Variants in GCNT2 observed in about 807,000 individuals in gnomAD.
GCNT2 encodes the protein N-acetyllactosaminide beta-1,6-N-acetylglucosaminyl-transferase.
A neutral mutation model predicts 34.2 loss-of-function variants in GCNT2; 34 were observed. That is an observed-to-expected ratio of 1.00 (90% confidence interval 0.76 to 1.32). The LOEUF (loss-of-function observed/expected upper bound fraction) is 1.32. Among genes scored for constraint, GCNT2 ranks in the 40% most tolerant of loss-of-function variants. GCNT2 has a pLI of 0.00. For missense variants in GCNT2, 584 were observed against 489.4 expected (o/e 1.19, Z -1.82); for synonymous variants, 212 against 188.0 (o/e 1.13, Z -1.04).
intron 1 of GCNT2, among the ~76,000 whole-genome samples, chr6:10,526,505 C>T (rs1484734032): frequency 2.6e-5 from 4 of 152,090 alleles, no homozygotes; most frequent in Non-Finnish European, 4.4e-5. Context: ...CCAAGAAGCA[C>T]TATGGAAAAT....
Position 10,604,185 on chromosome 6 carries a change from C to T in GCNT2, c.926-17166C>T, listed in dbSNP as rs576099975. 3.3e-5 allele frequency among the ~76,000 whole-genome samples: 5 copies of T among 152,242 alleles called. No individual in the cohort carries two copies. In the South Asian group the frequency reaches 1.0e-3, roughly 32 times the overall value. On this transcript the variant is annotated intron_variant, in intron 3 of 4. Coordinates refer to ENST00000495262, the MANE Select transcript of GCNT2 (RefSeq NM_145649.5). ...GTGCTGGGATTACAGACGTGAGCCA[C>T]CGCGCCCAGCCTATGCTTTCTTAAT...
At chr6:10,610,688 C>T (rs375252406) in intron 3 of GCNT2, among the ~76,000 whole-genome samples, 7 of 152,260 alleles carry the variant, frequency 4.6e-5, no homozygotes, top group South Asian at 2.1e-4. Flanking sequence ...GCTTTACCTC[C>T]ACCATCTACT....
intron 3 of GCNT2, among the ~76,000 whole-genome samples, chr6:10,595,568 CCCGG>C (rs1361138829): frequency 6.6e-6 from 1 of 151,764 alleles, no homozygotes; most frequent in Non-Finnish European, 1.5e-5. Context: ...TGCCACTCTG[CCCGG>C]CCGGTTGGTT....
At chr6:10,557,160 C>T in intron 3 of GCNT2, 1 of 1,549,600 alleles carries the variant, frequency 6.5e-7, no homozygotes, top group African/African-American at 1.4e-5. Flanking sequence ...ATAAGAACAA[C>T]AGCGTTGAAA....
chr6:10,613,740 TAC>T (rs1473481850), intron 3 of GCNT2, among the ~76,000 whole-genome samples: 2 of 152,224 alleles, frequency 1.3e-5, no homozygotes, highest in South Asian at 4.1e-4. Context: ...TGTGATGGTA[TAC>T]AGTGTTTTTT....
chr6:10,556,817 A>G lies in GCNT2; in HGVS notation c.925+26981A>G, dbSNP rs113836537. On this transcript the variant is annotated intron_variant, in intron 3 of 4. Transcript: ENST00000495262. ...TGTTCATGTGGATGAAAAAGCAACA[A>G]CTGAATTTAAAGATGCGGTAGAGCA... 8.1e-6 allele frequency: 13 copies of G among 1,614,058 alleles called. No homozygotes were observed. In the African/African-American group the frequency reaches 1.5e-4, roughly 18 times the overall value.
At chr6:10,539,388 C>T (rs1474814425) in intron 3 of GCNT2, among the ~76,000 whole-genome samples, 2 of 151,764 alleles carry the variant, frequency 1.3e-5, no homozygotes, top group African/African-American at 4.8e-5. Flanking sequence ...GGGGTTTCTC[C>T]ATGTTGGTCA....
At chr6:10,595,975 A>C (rs977318011) in intron 3 of GCNT2, among the ~76,000 whole-genome samples, 1 of 152,226 alleles carries the variant, frequency 6.6e-6, no homozygotes, top group Non-Finnish European at 1.5e-5. Flanking sequence ...AGTTGACACT[A>C]TAATTCTCAT....
At chr6:10,574,091 A>G (rs910428095) in intron 3 of GCNT2, among the ~76,000 whole-genome samples, 2 of 152,216 alleles carry the variant, frequency 1.3e-5, no homozygotes, top group Non-Finnish European at 2.9e-5. Context: ...TCAATCTCTT[A>G]AGAACCCTAT....
At chr6:10,526,154 G>A (rs975794796) in intron 1 of GCNT2, among the ~76,000 whole-genome samples, 3 of 152,194 alleles carry the variant, frequency 2.0e-5, no homozygotes, top group African/African-American at 7.2e-5. Flanking sequence ...TATTGAAGAA[G>A]TGATTTGTTC....
intron 3 of GCNT2, among the ~76,000 whole-genome samples, chr6:10,540,127 G>T (rs1761972595): frequency 6.6e-6 from 1 of 150,432 alleles, no homozygotes; most frequent in Non-Finnish European, 1.5e-5. Context: ...AGTAAAGGAT[G>T]GAAGGAAGGA....
chr6:10,619,640 C>G (rs1000868107), intron 3 of GCNT2: 1 of 152,228 alleles, frequency 6.6e-6, no homozygotes, highest in Non-Finnish European at 1.5e-5. Flanking sequence ...AGGTATGAGC[C>G]ACTGTACACA....
intron 3 of GCNT2, among the ~76,000 whole-genome samples, chr6:10,603,717 G>C (rs921757349): frequency 6.6e-6 from 1 of 151,154 alleles, no homozygotes; most frequent in African/African-American, 2.4e-5. Flanking sequence ...GTTTCACCAT[G>C]TTGGCCAGGC....
intron 1 of GCNT2, among the ~76,000 whole-genome samples, chr6:10,524,958 T>C (rs1368244226): frequency 3.3e-5 from 5 of 151,912 alleles, no homozygotes; most frequent in Non-Finnish European, 7.4e-5. Context: ...TCACAGACAC[T>C]GAGAAAGTTT....
Position 10,561,969 on chromosome 6 carries a change from C to T in GCNT2, c.925+32133C>T, listed in dbSNP as rs1763005383. Reference sequence around the variant, plus strand: ...ACTGTGACTTTTATTTATATGTGCACATTCTTTGGGAGGGTGTTAGGACTC... The same window carrying T: ...ACTGTGACTTTTATTTATATGTGCATATTCTTTGGGAGGGTGTTAGGACTC... On this transcript the variant is annotated intron_variant, in intron 3 of 4. Coordinates refer to ENST00000495262, the MANE Select transcript of GCNT2 (RefSeq NM_145649.5). Among the ~76,000 whole-genome samples the T allele has an allele frequency of 2.6e-5, 4 of 152,102 alleles. No homozygotes were observed. In the South Asian group the frequency reaches 6.2e-4, roughly 24 times the overall value.
intron 3 of GCNT2, among the ~76,000 whole-genome samples, chr6:10,545,552 T>C (rs567258614): frequency 6.6e-6 from 1 of 152,348 alleles, no homozygotes; most frequent in Non-Finnish European, 1.5e-5. Flanking sequence ...TAAAGCGAAC[T>C]TCAAATTCCT....
At chr6:10,596,142 CTTTTT>C (rs1764841596) in intron 3 of GCNT2, among the ~76,000 whole-genome samples, 2 of 152,130 alleles carry the variant, frequency 1.3e-5, no homozygotes, top group African/African-American at 4.8e-5. Context: ...ACTGAGTTTT[CTTTTT>C]CTTTGTTTTT....
At chr6:10,553,291 G>A (rs1484244873) in intron 3 of GCNT2, among the ~76,000 whole-genome samples, 1 of 152,222 alleles carries the variant, frequency 6.6e-6, no homozygotes. Context: ...CCTCTGGCAA[G>A]GAGATGAAGT....
At chr6:10,604,144 G>A (rs889381869) in intron 3 of GCNT2, among the ~76,000 whole-genome samples, 5 of 151,980 alleles carry the variant, frequency 3.3e-5, no homozygotes, top group Admixed American at 6.6e-5. Context: ...TGATCCGCCC[G>A]CTTCGGCCTC....
Sources: allele counts gnomAD v4.1 joint callset (sites outside exome capture counted in the v4.1 genomes callset), GRCh38; gene constraint gnomAD v4.1.1; transcripts MANE v1.5; gene names NCBI Gene and HGNC (gene_info 2026-07-23, HGNC 2026-07-21).